NAALADL2: variants seen among roughly 807,000 people sequenced by gnomAD.
NAALADL2 encodes the protein N-acetylated alpha-linked acidic dipeptidase like 2.
A neutral mutation model predicts 87.2 loss-of-function variants in NAALADL2; 76 were observed. The observed-to-expected ratio is 0.87, with a 90% CI of 0.72 to 1.05. The LOEUF (loss-of-function observed/expected upper bound fraction) is 1.05. NAALADL2 is among the 50% of genes least tolerant of loss of function. The pLI is 0.00. For synonymous variants in NAALADL2, 354 were observed against 331.0 expected (o/e 1.07, Z -0.75); for missense variants, 1,089 against 945.8 (o/e 1.15, Z -1.99).
intron 3 of NAALADL2, among the ~76,000 whole-genome samples, chr3:174,811,522 G>C (rs555222246): frequency 6.6e-6 from 1 of 152,180 alleles, no homozygotes; most frequent in Non-Finnish European, 1.5e-5. Context: ...ACTTGTGGCT[G>C]ATTTTTCCCT....
chr3:175,536,121 A>G (rs774054262), intron 9 of NAALADL2, among the ~76,000 whole-genome samples: 1 of 152,196 alleles, frequency 6.6e-6, no homozygotes, highest in Non-Finnish European at 1.5e-5. Context: ...CTGCCACTTC[A>G]TTTTCTATAA....
intron 9 of NAALADL2, among the ~76,000 whole-genome samples, chr3:175,482,778 C>T (rs1201917755): frequency 6.6e-6 from 1 of 151,480 alleles, no homozygotes; most frequent in Admixed American, 6.6e-5. Context: ...TGATATTGGT[C>T]TGGAAAATTT....
At chr3:175,781,946 A>C (rs1374425329) in intron 13 of NAALADL2, among the ~76,000 whole-genome samples, 1 of 150,766 alleles carries the variant, frequency 6.6e-6, no homozygotes, top group Admixed American at 6.6e-5. Context: ...ATGAGTGAGA[A>C]TATGCAGTGT....
In NAALADL2 at chr3:175,420,282, G is replaced by A. The variant is rs558059644; in HGVS notation, c.1091-26947G>A. 1.1e-4 allele frequency among the ~76,000 whole-genome samples: 16 copies of A among 151,944 alleles called. No individual in the cohort carries two copies. In the South Asian group the frequency reaches 2.9e-3, roughly 28 times the overall value. On this transcript the variant is annotated intron_variant, in intron 5 of 13. Transcript: ENST00000454872. ...TCCTGTTTAGATTGGCACTTTCATCGTCTATCTCTGCTGAGAGAAGAATTG... is the reference window on the plus strand; with the variant it reads ...TCCTGTTTAGATTGGCACTTTCATCATCTATCTCTGCTGAGAGAAGAATTG...
intron 1 of NAALADL2, among the ~76,000 whole-genome samples, chr3:174,866,736 C>A (rs1727193517): frequency 6.6e-6 from 1 of 151,724 alleles, no homozygotes; most frequent in South Asian, 2.1e-4. Flanking sequence ...ACTTTATAAC[C>A]TTCAGATGCA....
chr3:175,575,056 T>G (rs974632409), intron 9 of NAALADL2, among the ~76,000 whole-genome samples: 4 of 152,158 alleles, frequency 2.6e-5, no homozygotes, highest in African/African-American at 9.7e-5. Context: ...CCCTTTAGTT[T>G]GTTTCATTTT....
intron 2 of NAALADL2, among the ~76,000 whole-genome samples, chr3:175,149,817 G>A (rs561075479): frequency 3.2e-4 from 49 of 152,178 alleles, no homozygotes; most frequent in Non-Finnish European, 6.3e-4. Context: ...GGATTAGTGC[G>A]GTATGGTATT....
intron 9 of NAALADL2, among the ~76,000 whole-genome samples, chr3:175,541,713 T>A (rs2149470224): frequency 6.6e-6 from 1 of 152,274 alleles, no homozygotes; most frequent in East Asian, 1.9e-4. Context: ...CAGTTGTTTG[T>A]TGATCTCTGC....
chr3:175,582,858 C>G (rs1374741201), intron 10 of NAALADL2, among the ~76,000 whole-genome samples: 1 of 152,158 alleles, frequency 6.6e-6, no homozygotes, highest in East Asian at 1.9e-4. Flanking sequence ...TCCTTTAAAA[C>G]GTAATGGCCA....
intron 13 of NAALADL2, among the ~76,000 whole-genome samples, chr3:175,784,135 G>T (rs938368993): frequency 1.3e-5 from 2 of 149,802 alleles, no homozygotes; most frequent in African/African-American, 2.5e-5. Flanking sequence ...TTGCATCAAG[G>T]TTCATCAAGG....
At chr3:174,960,550 T>G (rs1163418592) in intron 1 of NAALADL2, among the ~76,000 whole-genome samples, 1 of 152,048 alleles carries the variant, frequency 6.6e-6, no homozygotes, top group Non-Finnish European at 1.5e-5. Flanking sequence ...TGGGACTATC[T>G]AATTATAAGA....
intron 1 of NAALADL2, among the ~76,000 whole-genome samples, chr3:175,042,213 CTCCA>C (rs1754155379): frequency 6.6e-6 from 1 of 152,102 alleles, no homozygotes; most frequent in Non-Finnish European, 1.5e-5. Context: ...ATATCATGTC[CTCCA>C]GGTTCATTTA....
intron 1 of NAALADL2, among the ~76,000 whole-genome samples, chr3:174,512,805 G>C (rs186193344): frequency 2.0e-5 from 3 of 152,064 alleles, no homozygotes; most frequent in Non-Finnish European, 4.4e-5. Flanking sequence ...CAGTGTTCTT[G>C]TTCATTGCCT....
chr3:175,444,514 T>C (rs1720360672), intron 5 of NAALADL2, among the ~76,000 whole-genome samples: 1 of 152,198 alleles, frequency 6.6e-6, no homozygotes, highest in African/African-American at 2.4e-5. Flanking sequence ...AGCATTCTTC[T>C]ACATAAATTA....
chr3:175,433,630 A>G (rs887746492), intron 5 of NAALADL2, among the ~76,000 whole-genome samples: 1 of 152,074 alleles, frequency 6.6e-6, no homozygotes, highest in South Asian at 2.1e-4. Context: ...ACCTTTTGAT[A>G]CACTGAAAAA....
At chr3:175,634,068 T>A (rs916570404) in intron 11 of NAALADL2, among the ~76,000 whole-genome samples, 5 of 151,700 alleles carry the variant, frequency 3.3e-5, no homozygotes, top group African/African-American at 9.7e-5. Context: ...AGCAATAGAG[T>A]TATATTTTCC....
At chr3:175,600,733 T>C (rs1160603006) in intron 10 of NAALADL2, among the ~76,000 whole-genome samples, 5 of 151,716 alleles carry the variant, frequency 3.3e-5, no homozygotes, top group Non-Finnish European at 7.4e-5. Flanking sequence ...GAGACGGGTT[T>C]TCACCGTGTT....
chr3:175,013,232 AAC>A (rs1286826650), intron 1 of NAALADL2, among the ~76,000 whole-genome samples: 6 of 79,914 alleles, frequency 7.5e-5, no homozygotes, highest in African/African-American at 3.2e-4. Flanking sequence ...TATAAATATA[AAC>A]ACATATATAA....
intron 1 of NAALADL2, among the ~76,000 whole-genome samples, chr3:174,536,314 T>C (rs1215472414): frequency 6.6e-6 from 1 of 152,122 alleles, no homozygotes; most frequent in Non-Finnish European, 1.5e-5. Context: ...GACTGGCTAG[T>C]TTAGTTTTTC....
Sources: allele counts gnomAD v4.1 joint callset (sites outside exome capture counted in the v4.1 genomes callset), GRCh38; gene constraint gnomAD v4.1.1; transcripts MANE v1.5; gene names NCBI Gene and HGNC (gene_info 2026-07-23, HGNC 2026-07-21).